Variants in AK7 observed in about 807,000 individuals in gnomAD.
AK7 encodes the protein adenylate kinase 7, also known as ATP-AMP transphosphorylase 7.
A neutral mutation model predicts 96.6 loss-of-function variants in AK7; 78 were observed. The ratio of observed to expected loss-of-function variants is 0.81; its 90% CI spans 0.67 to 0.97. The LOEUF (loss-of-function observed/expected upper bound fraction) is 0.97, where lower values mean the gene tolerates loss of function less well. AK7 is among the 50% of genes least tolerant of loss of function. AK7 has a pLI of 0.00. For synonymous variants in AK7, 302 were observed against 317.2 expected, an observed-to-expected ratio of 0.95 and a Z score of 0.51; for missense variants, 855 against 887.9, an observed-to-expected ratio of 0.96 and a Z score of 0.47.
intron 5 of AK7, among the ~76,000 whole-genome samples, chr14:96,426,170 G>A (rs2140055141): frequency 6.6e-6 from 1 of 151,798 alleles, no homozygotes; most frequent in South Asian, 2.1e-4. Context: ...TTTATTTTTT[G>A]TGCAACCATT....
rs574192825 is a variant in AK7, at chr14:96,451,840, T to C, written c.1098+270T>C. 1.6e-4 allele frequency among the ~76,000 whole-genome samples: 24 copies of C among 152,316 alleles called. 1 individual carries two copies. In the South Asian group the frequency reaches 4.8e-3, roughly 30 times the overall value. ...TAATTAGATAATATCTAATAATGTA[T>C]GCAAAATTATCTAATTTAAACATTA... On this transcript the variant is annotated intron_variant, in intron 10 of 17. Transcript: ENST00000267584.
chr14:96,419,741 T>C (rs4905489), intron 4 of AK7, among the ~76,000 whole-genome samples: 12,710 of 151,474 alleles, frequency 0.084, 619 homozygotes, highest in East Asian at 0.12. Flanking sequence ...TTAGATTAAA[T>C]TTAAATTATA....
At chr14:96,420,497 G>A (rs1018181173) in intron 4 of AK7, among the ~76,000 whole-genome samples, 2 of 151,242 alleles carry the variant, frequency 1.3e-5, no homozygotes, top group Admixed American at 6.6e-5. Context: ...TATCATCATC[G>A]ACAGAGAAAG....
At chr14:96,483,907 G>A (rs778754669) in intron 16 of AK7, among the ~76,000 whole-genome samples, 2 of 151,872 alleles carry the variant, frequency 1.3e-5, no homozygotes, top group African/African-American at 2.4e-5. Context: ...CCAAATCACT[G>A]AATCTAGTAA....
In AK7 at chr14:96,453,518, C is replaced by T. The variant is rs189571042; in HGVS notation, c.1098+1948C>T. On this transcript the variant is annotated intron_variant, in intron 10 of 17. Coordinates refer to ENST00000267584, the MANE Select transcript of AK7 (RefSeq NM_152327.5). ...GATGGAGTCTCAAGCCATGCACTTG[C>T]GTGATCGCAGTTCCTTTAGCAAGGA... is the stretch of plus-strand genomic sequence containing the variant. Among the ~76,000 whole-genome samples, 5 of 152,340 alleles carry T rather than the reference C, an allele frequency of 3.3e-5. No homozygotes were observed. The South Asian group carries it at 6.2e-4, about 19-fold the overall frequency.
chr14:96,402,578 A>G (rs936852601), intron 2 of AK7, among the ~76,000 whole-genome samples: 2 of 152,132 alleles, frequency 1.3e-5, no homozygotes, highest in African/African-American at 4.8e-5. Flanking sequence ...CTGGATCTTG[A>G]TCCATCCTAG....
chr14:96,395,186 C>A (rs561167677), intron 1 of AK7, among the ~76,000 whole-genome samples: 4 of 152,224 alleles, frequency 2.6e-5, no homozygotes, highest in African/African-American at 4.8e-5. Flanking sequence ...CTACTAATAA[C>A]CTATTGTTAA....
At chr14:96,485,794 C>CTTTT (rs758883552) in intron 16 of AK7, among the ~76,000 whole-genome samples, 1 of 129,002 alleles carries the variant, frequency 7.8e-6, no homozygotes. Flanking sequence ...TCAGCTAGGA[C>CTTTT]TTTTTTTTTT....
chr14:96,462,965 C>G (rs542627751), intron 12 of AK7, among the ~76,000 whole-genome samples: 1 of 151,938 alleles, frequency 6.6e-6, no homozygotes, highest in African/African-American at 2.4e-5. Flanking sequence ...GTGAAACCCT[C>G]TCTCTGCTAA....
intron 2 of AK7, among the ~76,000 whole-genome samples, chr14:96,401,389 C>T (rs1890400426): frequency 6.6e-6 from 1 of 152,154 alleles, no homozygotes; most frequent in East Asian, 1.9e-4. Context: ...CCTCCATTAG[C>T]ACAAAGTCCT....
At position 96,488,307 on chromosome 14, in the gene AK7, A is replaced by G. The variant is rs766387280; in HGVS notation, c.2136A>G (p.Ala712=). The G allele has an allele frequency of 7.4e-6, 12 of 1,611,594 alleles. No homozygotes were observed. The highest frequency in any genetic ancestry group is 8.5e-7 in the Non-Finnish European group (1 of 1,178,088). The change falls in exon 18 of 18, where the codon GCA becomes GCG. Residue 712 remains alanine (A), a splice_region_variant and synonymous_variant. Coordinates refer to ENST00000267584, the MANE Select transcript of AK7 (RefSeq NM_152327.5). ...ACTTGTCTTTTTTTAAATTGTAGGC[A>G]GAATATCTCTTCAAGAACAATCCTG... ...VRPEDPVDFL[A]EYLFKNNPEA... is the part of the protein sequence containing the mutation.
chr14:96,402,444 A>G (rs1890470821), intron 2 of AK7, among the ~76,000 whole-genome samples: 1 of 152,078 alleles, frequency 6.6e-6, no homozygotes, highest in African/African-American at 2.4e-5. Flanking sequence ...CACCACTCCC[A>G]CCTGCTTTTA....
At chr14:96,462,888 A>G (rs57232371) in intron 12 of AK7, among the ~76,000 whole-genome samples, 12,904 of 152,260 alleles carry the variant, frequency 0.085, 647 homozygotes, top group East Asian at 0.12. Context: ...CTGTAATCCC[A>G]GCACTTTGGG....
chr14:96,456,767 G>T, intron 11 of AK7: 1 of 264,474 alleles, frequency 3.8e-6, no homozygotes, highest in Non-Finnish European at 7.4e-6. Context: ...ACAAGTGTGT[G>T]TTTGTGTCGT....
At chr14:96,398,020 G>C in intron 1 of AK7, 55 bp from the exon 2 acceptor site, 1 of 1,548,906 alleles carries the variant, frequency 6.5e-7, no homozygotes, top group Non-Finnish European at 8.8e-7. Context: ...ATCATTCACT[G>C]GCCCCCTGAC....
intron 1 of AK7, 46 bp downstream of exon 1, chr14:96,392,305 C>G (rs745772960): frequency 2.0e-6 from 3 of 1,534,324 alleles, no homozygotes; most frequent in Non-Finnish European, 2.7e-6. Context: ...CTCTCAGCTC[C>G]CAGCCCTCGG....
chr14:96,445,912 G>A (rs1461299569), intron 7 of AK7, among the ~76,000 whole-genome samples: 2 of 152,124 alleles, frequency 1.3e-5, no homozygotes, highest in Non-Finnish European at 2.9e-5. Context: ...AGTTACTTAC[G>A]GGGATAGGAG....
chr14:96,412,922 A>C (rs574210314), intron 4 of AK7, among the ~76,000 whole-genome samples: 2 of 152,336 alleles, frequency 1.3e-5, no homozygotes, highest in East Asian at 3.9e-4. Flanking sequence ...AAGAGTCACT[A>C]ACATAATAGG....
chr14:96,437,403 C>T (rs1458361677), intron 5 of AK7, among the ~76,000 whole-genome samples: 1 of 152,156 alleles, frequency 6.6e-6, no homozygotes, highest in South Asian at 2.1e-4. Context: ...TCTTACAGTG[C>T]CTAAACTGCT....
Sources: gnomAD v4.1 joint callset for allele counts (sites outside exome capture counted in the v4.1 genomes callset) on GRCh38, gnomAD v4.1.1 for gene constraint, MANE v1.5 for transcripts, NCBI Gene and HGNC (gene_info 2026-07-23, HGNC 2026-07-21) for gene names.